The following PCSK2 variants were observed in gnomAD, a reference collection of about 807,000 sequenced individuals.
PCSK2 encodes the protein proprotein convertase subtilisin/kexin type 2.
PCSK2 carries 14 observed loss-of-function variants against 69.7 expected under a neutral mutation model. That is an observed-to-expected ratio of 0.20 (90% CI 0.13 to 0.31). PCSK2 has a LOEUF of 0.31. Among genes scored for constraint, PCSK2 ranks in the 10% least tolerant of loss-of-function variants. The probability of loss-of-function intolerance (pLI) is 1.00; values close to 1 mark genes in which losing one functional copy is unlikely to be tolerated. For missense variants in PCSK2, 544 were observed against 842.5 expected (o/e 0.65, Z 4.39); for synonymous variants, 307 against 320.7 (o/e 0.96, Z 0.46).
chr20:17,227,554 T>C, intron 1 of PCSK2, 72 bp downstream of exon 1: 1 of 1,172,144 alleles, frequency 8.5e-7, no homozygotes, highest in Non-Finnish European at 1.2e-6. Context: ...CGCAATCTCA[T>C]TGCAGATTTG....
At chr20:17,277,788 C>A (rs771368573) in intron 2 of PCSK2, among the ~76,000 whole-genome samples, 1 of 151,944 alleles carries the variant, frequency 6.6e-6, no homozygotes, top group Non-Finnish European at 1.5e-5. Flanking sequence ...AGGCAACCTA[C>A]AGAATGGGAG....
At chr20:17,429,866 C>G (rs945359677) in intron 7 of PCSK2, among the ~76,000 whole-genome samples, 3 of 150,994 alleles carry the variant, frequency 2.0e-5, no homozygotes, top group African/African-American at 7.4e-5. Flanking sequence ...TAATCATGAT[C>G]TTGTTTTTTA....
rs73251721 is a variant in PCSK2 at position 17,314,351 on chromosome 20, G to A, written c.283-43976G>A. Among the ~76,000 whole-genome samples the A allele has an allele frequency of 3.4e-3, 513 of 152,228 alleles. 1 individual carries two copies. Among genetic ancestry groups the A allele is most frequent in the African/African-American group, 0.012 (492 of 41,542 alleles). ...GCTGAGACATCTAGACTCAAACCCGGGACACAAGTGGGAATGAATCAAGCC... is the reference window on the plus strand; with the variant it reads ...GCTGAGACATCTAGACTCAAACCCGAGACACAAGTGGGAATGAATCAAGCC... On this transcript the variant is annotated intron_variant, in intron 2 of 11. Transcript: ENST00000262545.
At chr20:17,343,092 G>A (rs1215754674) in intron 2 of PCSK2, among the ~76,000 whole-genome samples, 1 of 152,172 alleles carries the variant, frequency 6.6e-6, no homozygotes, top group Non-Finnish European at 1.5e-5. Context: ...TTCAGTATGT[G>A]GGCCTAGACA....
chr20:17,232,671 T>C (rs1052212271), intron 1 of PCSK2, among the ~76,000 whole-genome samples: 4 of 152,218 alleles, frequency 2.6e-5, no homozygotes, highest in Non-Finnish European at 4.4e-5. Flanking sequence ...ATCCAGATTA[T>C]ATGCTTTTAC....
intron 2 of PCSK2, among the ~76,000 whole-genome samples, chr20:17,282,070 G>A (rs6136050): frequency 0.087 from 13,286 of 152,124 alleles, 705 homozygotes; most frequent in African/African-American, 0.14. Flanking sequence ...CCTTTCAGGA[G>A]TTTCTCATGG....
intron 8 of PCSK2, among the ~76,000 whole-genome samples, chr20:17,437,603 G>T (rs980082080): frequency 6.6e-6 from 1 of 152,162 alleles, no homozygotes; most frequent in Non-Finnish European, 1.5e-5. Context: ...GTGATAATGA[G>T]GGGTCACTAT....
At chr20:17,393,913 T>G (rs937735219) in intron 5 of PCSK2, among the ~76,000 whole-genome samples, 1 of 152,192 alleles carries the variant, frequency 6.6e-6, no homozygotes, top group African/African-American at 2.4e-5. Context: ...ACAAGTACAG[T>G]AATGGAAAGC....
chr20:17,472,975 T>C (rs1380971930), intron 11 of PCSK2, among the ~76,000 whole-genome samples: 2 of 151,840 alleles, frequency 1.3e-5, no homozygotes, highest in African/African-American at 2.4e-5. Context: ...TTACTTGCAA[T>C]GATACACAAT....
chr20:17,434,242 C>T (rs1010767741), intron 7 of PCSK2, among the ~76,000 whole-genome samples: 15 of 150,738 alleles, frequency 1.0e-4, no homozygotes, highest in African/African-American at 3.7e-4. Context: ...TCTCTCTCTC[C>T]TTCTCTCCCT....
At chr20:17,304,374 C>T (rs918926333) in intron 2 of PCSK2, among the ~76,000 whole-genome samples, 1 of 152,050 alleles carries the variant, frequency 6.6e-6, no homozygotes, top group African/African-American at 2.4e-5. Context: ...GAGAAAGTAA[C>T]AGTATATTTT....
At chr20:17,401,473 C>T (rs2031635557) in intron 5 of PCSK2, among the ~76,000 whole-genome samples, 1 of 152,128 alleles carries the variant, frequency 6.6e-6, no homozygotes, top group African/African-American at 2.4e-5. Context: ...GACCTAATTA[C>T]CTCCCAAGGA....
chr20:17,292,711 G>A (rs1022101917), intron 2 of PCSK2, among the ~76,000 whole-genome samples: 2 of 152,184 alleles, frequency 1.3e-5, no homozygotes, highest in African/African-American at 4.8e-5. Flanking sequence ...TTCTTCAGCA[G>A]AATATCATCA....
chr20:17,244,825 T>C (rs1600405036), intron 1 of PCSK2, among the ~76,000 whole-genome samples: 1 of 152,226 alleles, frequency 6.6e-6, no homozygotes, highest in Non-Finnish European at 1.5e-5. Flanking sequence ...GGGATTTATG[T>C]TGCAAACACA....
At chr20:17,363,753 A>G (rs891132774) in intron 4 of PCSK2, among the ~76,000 whole-genome samples, 2 of 152,262 alleles carry the variant, frequency 1.3e-5, no homozygotes, top group Non-Finnish European at 2.9e-5. Context: ...AACAACTAAC[A>G]GTAAAAACGA....
intron 1 of PCSK2, among the ~76,000 whole-genome samples, chr20:17,238,886 C>A (rs1478331341): frequency 6.6e-6 from 1 of 152,106 alleles, no homozygotes; most frequent in Non-Finnish European, 1.5e-5. Flanking sequence ...CCCTTAGTGA[C>A]TAAACAGTGC....
At chr20:17,442,673 A>G (rs778223120) in intron 8 of PCSK2, among the ~76,000 whole-genome samples, 1 of 152,226 alleles carries the variant, frequency 6.6e-6, no homozygotes, top group Non-Finnish European at 1.5e-5. Context: ...GGAGAGAAAC[A>G]TGTTTCCAAG....
chr20:17,293,011 G>A (rs567403873), intron 2 of PCSK2, among the ~76,000 whole-genome samples: 25 of 152,044 alleles, frequency 1.6e-4, no homozygotes, highest in Non-Finnish European at 3.4e-4. Context: ...TTTTAGTAGA[G>A]ACAAGGTTTC....
intron 1 of PCSK2, among the ~76,000 whole-genome samples, chr20:17,259,409 A>G (rs1438097663): frequency 1.3e-5 from 2 of 152,198 alleles, no homozygotes; most frequent in South Asian, 2.1e-4. Flanking sequence ...TCAAGCCCCT[A>G]TATTTATACA....
Sources: allele counts gnomAD v4.1 joint callset (sites outside exome capture counted in the v4.1 genomes callset), GRCh38; gene constraint gnomAD v4.1.1; transcripts MANE v1.5; gene names NCBI Gene and HGNC (gene_info 2026-07-23, HGNC 2026-07-21).